FMN2: variants seen among roughly 807,000 people sequenced by gnomAD.
FMN2 encodes formin-2.
FMN2 carries 51 observed loss-of-function variants against 142.3 expected under a neutral mutation model. The ratio of observed to expected loss-of-function variants is 0.36; its 90% CI spans 0.29 to 0.45. The LOEUF is 0.45. Ranked by LOEUF, FMN2 falls within the 20% of genes least tolerant of loss-of-function variation. FMN2 has a pLI of 1.00. For synonymous variants in FMN2, 882 were observed against 869.8 expected (o/e 1.01, Z -0.25); for missense variants, 1,936 against 2,122.8 (o/e 0.91, Z 1.73).
At chr1:240,227,756 T>A (rs1388775516) in intron 6 of FMN2, among the ~76,000 whole-genome samples, 1 of 152,166 alleles carries the variant, frequency 6.6e-6, no homozygotes, top group African/African-American at 2.4e-5. Flanking sequence ...TGCAAAAGAA[T>A]GAGATTAGGC....
intron 2 of FMN2, among the ~76,000 whole-genome samples, chr1:240,131,142 T>A (rs2103232906): frequency 6.6e-6 from 1 of 152,192 alleles, no homozygotes; most frequent in East Asian, 1.9e-4. Flanking sequence ...TCTTCTTGGG[T>A]AAAATGAGGA....
At chr1:240,223,784 A>T (rs1049294402) in intron 6 of FMN2, among the ~76,000 whole-genome samples, 1 of 152,158 alleles carries the variant, frequency 6.6e-6, no homozygotes, top group Non-Finnish European at 1.5e-5. Context: ...AGGTGTTTAT[A>T]GTATTCTCTG....
intron 15 of FMN2, chr1:240,401,263 C>T (rs941440261): frequency 6.6e-6 from 1 of 152,078 alleles, no homozygotes; most frequent in Non-Finnish European, 1.5e-5. Context: ...ATACATTTTT[C>T]CTGTCTTCCA....
rs1226032915 is a variant in FMN2 at position 240,297,367 on chromosome 1, G to A, written c.4215+2484G>A. Among the ~76,000 whole-genome samples, 4 of 151,980 alleles carry A rather than the reference G, an allele frequency of 2.6e-5. No homozygotes were observed. The South Asian group carries it at 6.2e-4, about 24-fold the overall frequency. ...TCCTAGCACTTTGGGAGGCCAAGGC[G>A]GGAGGATCACGAGGTCGGGAGTTCG... On this transcript the variant is annotated intron_variant, in intron 8 of 17. Transcript: ENST00000319653.
At chr1:240,178,225 T>C (rs1256845574) in intron 3 of FMN2, 157 bp downstream of exon 3, 4 of 777,916 alleles carry the variant, frequency 5.1e-6, no homozygotes, top group Non-Finnish European at 7.3e-6. Flanking sequence ...TTTTCTCTCT[T>C]TGTTCCTTTT....
chr1:240,344,797 T>A (rs775670842), intron 13 of FMN2, among the ~76,000 whole-genome samples: 1 of 152,240 alleles, frequency 6.6e-6, no homozygotes, highest in Non-Finnish European at 1.5e-5. Context: ...TACTTCCCTG[T>A]CATTTTGAGT....
chr1:240,117,413 G>A (rs911655516), intron 1 of FMN2, among the ~76,000 whole-genome samples: 3 of 152,224 alleles, frequency 2.0e-5, no homozygotes, highest in African/African-American at 4.8e-5. Context: ...ACAATGTTCA[G>A]TTGTTCAGGT....
intron 2 of FMN2, chr1:240,143,339 C>T (rs2103256731): frequency 6.7e-7 from 1 of 1,492,596 alleles, no homozygotes; most frequent in East Asian, 2.3e-5. Context: ...AGTGCAGGCT[C>T]CCCATATCTC....
chr1:240,103,243 T>C (rs550716182), intron 1 of FMN2, among the ~76,000 whole-genome samples: 31 of 152,344 alleles, frequency 2.0e-4, no homozygotes, highest in Middle Eastern at 3.4e-3. Flanking sequence ...TCATATCATC[T>C]GCTTTTGGAT....
At chr1:240,169,819 C>T (rs1334054207) in intron 2 of FMN2, among the ~76,000 whole-genome samples, 1 of 152,172 alleles carries the variant, frequency 6.6e-6, no homozygotes, top group Non-Finnish European at 1.5e-5. Context: ...CAGTGAGCTG[C>T]ATACTTCGAG....
chr1:240,115,828 C>A (rs550728340), intron 1 of FMN2, among the ~76,000 whole-genome samples: 1 of 152,134 alleles, frequency 6.6e-6, no homozygotes, highest in Non-Finnish European at 1.5e-5. Context: ...ACCCCATAGG[C>A]GGAGCAGCCC....
intron 11 of FMN2, among the ~76,000 whole-genome samples, chr1:240,331,008 T>A (rs531842530): frequency 1.9e-4 from 29 of 152,348 alleles, no homozygotes; most frequent in Admixed American, 3.9e-4. Flanking sequence ...AAAATAACTT[T>A]TTATATTGTT....
intron 1 of FMN2, among the ~76,000 whole-genome samples, chr1:240,098,097 ATT>A (rs35191164): frequency 0.029 from 2,863 of 98,736 alleles, 119 homozygotes; most frequent in African/African-American, 0.093. Flanking sequence ...GTTATCTTGA[ATT>A]TTTTTTTTTT....
At chr1:240,359,445 C>G (rs898285065) in intron 14 of FMN2, among the ~76,000 whole-genome samples, 5 of 152,130 alleles carry the variant, frequency 3.3e-5, no homozygotes, top group Admixed American at 6.5e-5. Flanking sequence ...CCAACACTGC[C>G]CAAATGTCTT....
At chr1:240,359,630 T>C (rs1423527707) in intron 14 of FMN2, among the ~76,000 whole-genome samples, 1 of 152,206 alleles carries the variant, frequency 6.6e-6, no homozygotes, top group East Asian at 1.9e-4. Flanking sequence ...TCATGGTCTA[T>C]GTTTAAACAC....
At chr1:240,349,883 C>G (rs1672032222) in intron 13 of FMN2, among the ~76,000 whole-genome samples, 1 of 151,946 alleles carries the variant, frequency 6.6e-6, no homozygotes, top group African/African-American at 2.4e-5. Context: ...TTTCCAGGAA[C>G]TCTATCTTTG....
rs1340391635 is a variant in FMN2, at chr1:240,294,790, T to C, written c.4154-32T>C. ...CAAACATCTTTTCACAGGTGGCTTA[T>C]GGCAATTTATATTCTTCTTTTTTTT... On this transcript the variant is annotated intron_variant, in intron 7 of 17. Transcript: ENST00000319653. The C allele has an allele frequency of 2.5e-6, 4 of 1,610,590 alleles. No individual in the cohort carries two copies. The East Asian group carries it at 6.7e-5, about 27-fold the overall frequency.
At chr1:240,435,375 T>C (rs1675330429) in intron 15 of FMN2, among the ~76,000 whole-genome samples, 1 of 151,292 alleles carries the variant, frequency 6.6e-6, no homozygotes, top group South Asian at 2.1e-4. Context: ...CTTTTGTGCC[T>C]ACTGGTAACT....
In FMN2 at chr1:240,092,482, G is replaced by A. The variant is rs1220445815; in HGVS notation, c.373G>A (p.Ala125Thr). ...CAAGACTCCAGACCTCAGCCTCTCGGCGGACGAGGCCGGCCTGTCGGATAC... is the reference window on the plus strand; with the variant it reads ...CAAGACTCCAGACCTCAGCCTCTCGACGGACGAGGCCGGCCTGTCGGATAC... ...LTKTPDLSLS[A>T]DEAGLSDTEC... The change falls in exon 1 of 18, where the codon GCG (alanine) becomes ACG (threonine). Residue 125 changes from alanine (A) to threonine (T), a missense_variant. Transcript: ENST00000319653. The A allele has an allele frequency of 6.2e-7, 1 of 1,607,886 alleles. No individual in the cohort carries two copies. The highest frequency in any genetic ancestry group is 1.1e-5 in the South Asian group (1 of 90,328).
Sources: allele counts gnomAD v4.1 joint callset (sites outside exome capture counted in the v4.1 genomes callset), GRCh38; gene constraint gnomAD v4.1.1; transcripts MANE v1.5; gene names NCBI Gene and HGNC (gene_info 2026-07-23, HGNC 2026-07-21).